TENM3: variants seen among roughly 807,000 people sequenced by gnomAD.
TENM3 encodes teneurin transmembrane protein 3.
Under a neutral mutation model 255.1 loss-of-function variants are expected in TENM3, and 63 were observed. The observed-to-expected ratio is 0.25, with a 90% CI of 0.20 to 0.30. TENM3 has a LOEUF of 0.30. TENM3 is among the 10% of genes least tolerant of loss of function. The pLI is 1.00. For missense variants in TENM3, 2,929 were observed against 3,461.1 expected (o/e 0.85, Z 3.86); for synonymous variants, 1,306 against 1,322.3 (o/e 0.99, Z 0.27).
Position 182,593,171 on chromosome 4 carries a change from T to A in TENM3, c.512-7753T>A, listed in dbSNP as rs976239191. On this transcript the variant is annotated intron_variant, in intron 3 of 27. Coordinates refer to ENST00000511685, the MANE Select transcript of TENM3 (RefSeq NM_001080477.4). ...ATATAAAACAATATGTGTATCATATTGCAAGCTCTTAAGAGGGCTAAGGCC... is the reference window on the plus strand; with the variant it reads ...ATATAAAACAATATGTGTATCATATAGCAAGCTCTTAAGAGGGCTAAGGCC... Among the ~76,000 whole-genome samples, 8 of 152,234 alleles carry A rather than the reference T, an allele frequency of 5.3e-5. No homozygotes were observed. The East Asian group carries it at 1.5e-3, about 29-fold the overall frequency.
chr4:181,799,944 G>T, the TENM3 span, among the ~76,000 whole-genome samples: 1 of 152,294 alleles, frequency 6.6e-6, no homozygotes, highest in South Asian at 2.1e-4. Context: ...GAGTAGAGTG[G>T]TCTGTGGAGA....
the TENM3 span, among the ~76,000 whole-genome samples, chr4:181,732,750 A>G: frequency 6.6e-6 from 1 of 151,562 alleles, no homozygotes. Context: ...AGAGTGACAC[A>G]GCTTGCGTTT....
At chr4:182,745,562 G>A (rs868620677) in intron 19 of TENM3, among the ~76,000 whole-genome samples, 3 of 152,152 alleles carry the variant, frequency 2.0e-5, no homozygotes, top group Admixed American at 6.5e-5. Flanking sequence ...GATCCACACA[G>A]CAACCCCTCA....
At chr4:181,520,018 A>T in the TENM3 span, among the ~76,000 whole-genome samples, 6 of 152,312 alleles carry the variant, frequency 3.9e-5, no homozygotes, top group South Asian at 1.2e-3. Flanking sequence ...CCCACATGGA[A>T]CTCAGGCCTG....
At chr4:182,113,389 G>C in the TENM3 span, among the ~76,000 whole-genome samples, 5 of 152,156 alleles carry the variant, frequency 3.3e-5, no homozygotes, top group Non-Finnish European at 7.4e-5. Flanking sequence ...TCACTGTCTT[G>C]TAAAGAACTC....
At chr4:182,677,988 A>G (rs1242094014) in intron 7 of TENM3, among the ~76,000 whole-genome samples, 1 of 152,040 alleles carries the variant, frequency 6.6e-6, no homozygotes, top group Admixed American at 6.6e-5. Flanking sequence ...CATTTAAGAA[A>G]CCTATCAGAA....
chr4:181,915,860 G>A, the TENM3 span, among the ~76,000 whole-genome samples: 1 of 152,102 alleles, frequency 6.6e-6, no homozygotes, highest in African/African-American at 2.4e-5. Context: ...TGAGTTACAG[G>A]CTAAGATATT....
the TENM3 span, chr4:181,975,847 A>G: frequency 6.6e-6 from 1 of 152,212 alleles, no homozygotes; most frequent in African/African-American, 2.4e-5. Context: ...ATAACAAAGT[A>G]CCACAAACTG....
In TENM3 at chr4:182,753,401, A is replaced by C. The variant is rs1332180609; in HGVS notation, c.3863-49A>C. On this transcript the variant is annotated intron_variant, in intron 20 of 27. Coordinates refer to ENST00000511685, the MANE Select transcript of TENM3 (RefSeq NM_001080477.4). ...AATAATGGGCCTAATAGTTAATCAA[A>C]AGTAACCATTTTTGAAAAATTAGTA... 2.6e-6 allele frequency: 4 copies of C among 1,536,246 alleles called. No individual in the cohort carries two copies. In the Admixed American group the frequency reaches 6.8e-5, roughly 26 times the overall value.
At chr4:182,238,437 G>C (rs942054809), upstream of TENM3, among the ~76,000 whole-genome samples, 4 of 152,126 alleles carry the variant, frequency 2.6e-5, no homozygotes, top group African/African-American at 9.7e-5. Context: ...AACGCCCAGG[G>C]GAACCTGCCC....
chr4:182,401,848 G>T (rs1158890514), intron 3 of TENM3, among the ~76,000 whole-genome samples: 2 of 152,122 alleles, frequency 1.3e-5, no homozygotes, highest in East Asian at 1.9e-4. Context: ...ACACATTGTA[G>T]TTCCAAATGC....
the TENM3 span, among the ~76,000 whole-genome samples, chr4:181,528,238 TA>T: frequency 6.6e-6 from 1 of 152,170 alleles, no homozygotes; most frequent in Non-Finnish European, 1.5e-5. Flanking sequence ...CATTTAAAAA[TA>T]AAGCTATCTA....
At chr4:181,800,638 A>G in the TENM3 span, among the ~76,000 whole-genome samples, 1 of 152,168 alleles carries the variant, frequency 6.6e-6, no homozygotes, top group Non-Finnish European at 1.5e-5. Flanking sequence ...ATCTCAAAAA[A>G]AGAATTCCTT....
At chr4:182,055,295 T>C in the TENM3 span, among the ~76,000 whole-genome samples, 1 of 152,040 alleles carries the variant, frequency 6.6e-6, no homozygotes, top group South Asian at 2.1e-4. Context: ...CTGTGAGCCA[T>C]GATGGTGCCA....
the TENM3 span, among the ~76,000 whole-genome samples, chr4:181,504,968 T>G: frequency 6.6e-6 from 1 of 152,230 alleles, no homozygotes; most frequent in African/African-American, 2.4e-5. Context: ...CCTGCGACAC[T>G]GGCCCAAGAG....
intron 1 of TENM3, among the ~76,000 whole-genome samples, chr4:182,258,051 T>C (rs916001033): frequency 8.5e-5 from 13 of 152,126 alleles, no homozygotes; most frequent in Non-Finnish European, 1.3e-4. Context: ...ATGTAAATTG[T>C]GTATGTGTGT....
the TENM3 span, among the ~76,000 whole-genome samples, chr4:181,812,890 G>A: frequency 1.9e-4 from 29 of 152,040 alleles, no homozygotes; most frequent in African/African-American, 5.1e-4. Flanking sequence ...CCTGTCTCCC[G>A]GGGAAAGGAG....
At chr4:181,952,745 T>C in the TENM3 span, among the ~76,000 whole-genome samples, 1 of 152,210 alleles carries the variant, frequency 6.6e-6, no homozygotes, top group Non-Finnish European at 1.5e-5. Flanking sequence ...TAGATTTCCT[T>C]AGGGAAGGGC....
chr4:182,469,432 A>G (rs948874696), intron 3 of TENM3, among the ~76,000 whole-genome samples: 2 of 152,184 alleles, frequency 1.3e-5, no homozygotes, highest in African/African-American at 4.8e-5. Context: ...GAAGAGATTT[A>G]GGCCAAGCAC....
Sources: gnomAD v4.1 joint callset for allele counts (sites outside exome capture counted in the v4.1 genomes callset) on GRCh38, gnomAD v4.1.1 for gene constraint, MANE v1.5 for transcripts, NCBI Gene and HGNC (gene_info 2026-07-23, HGNC 2026-07-21) for gene names.